PALLD: variants seen among roughly 807,000 people sequenced by gnomAD.
PALLD encodes the protein palladin, cytoskeletal associated protein.
PALLD carries 61 observed loss-of-function variants against 123.5 expected under a neutral mutation model. The ratio of observed to expected loss-of-function variants is 0.49; its 90% CI spans 0.40 to 0.61. The LOEUF (loss-of-function observed/expected upper bound fraction) is 0.61. Ranked by LOEUF, PALLD falls within the 20% of genes least tolerant of loss-of-function variation. The probability of loss-of-function intolerance (pLI) is 0.00; values close to 1 mark genes in which losing one functional copy is unlikely to be tolerated. For missense variants in PALLD, 1,273 were observed against 1,377.0 expected, an observed-to-expected ratio of 0.92 and a Z score of 1.20; for synonymous variants, 465 against 496.4, an observed-to-expected ratio of 0.94 and a Z score of 0.84.
At chr4:168,559,851 C>A (rs1273408598) in intron 2 of PALLD, among the ~76,000 whole-genome samples, 1 of 151,684 alleles carries the variant, frequency 6.6e-6, no homozygotes, top group South Asian at 2.1e-4. Context: ...CACCACTGCA[C>A]TCTAGCCTGG....
At chr4:168,881,002 G>A (rs1289863851) in intron 10 of PALLD, among the ~76,000 whole-genome samples, 1 of 152,102 alleles carries the variant, frequency 6.6e-6, no homozygotes, top group Non-Finnish European at 1.5e-5. Context: ...CCGCCTCTGG[G>A]TTCCAACAAT....
intron 3 of PALLD, among the ~76,000 whole-genome samples, chr4:168,669,742 A>C (rs762969517): frequency 6.6e-6 from 1 of 152,166 alleles, no homozygotes; most frequent in Non-Finnish European, 1.5e-5. Context: ...TGTCCTATTA[A>C]TAAAAACAAA....
chr4:168,554,468 G>T (rs1767068200), intron 2 of PALLD, among the ~76,000 whole-genome samples: 1 of 152,106 alleles, frequency 6.6e-6, no homozygotes, highest in Non-Finnish European at 1.5e-5. Flanking sequence ...CAAAAGTGTT[G>T]AACACCTCTA....
At chr4:168,852,984 C>G (rs573619625) in intron 10 of PALLD, among the ~76,000 whole-genome samples, 1 of 152,086 alleles carries the variant, frequency 6.6e-6, no homozygotes, top group Non-Finnish European at 1.5e-5. Flanking sequence ...TTAAACTTTA[C>G]AAAAAATGTC....
intron 2 of PALLD, chr4:168,632,027 A>G (rs1308874578): frequency 2.0e-6 from 1 of 488,642 alleles, no homozygotes; most frequent in Non-Finnish European, 2.7e-6. Context: ...TGGACTCAGA[A>G]TACCGTGTTC....
chr4:168,849,754 C>CA (rs36098159), intron 10 of PALLD, among the ~76,000 whole-genome samples: 26 of 145,802 alleles, frequency 1.8e-4, no homozygotes, highest in Non-Finnish European at 3.0e-4. Flanking sequence ...ATTTTTAAAG[C>CA]AAAAAAAAAA....
chr4:168,796,224 T>C lies in PALLD; in HGVS notation c.1964+84301T>C, dbSNP rs151260322. 3.2e-3 allele frequency among the ~76,000 whole-genome samples: 486 copies of C among 152,256 alleles called. 1 individual carries two copies. Among genetic ancestry groups the C allele is most frequent in the Non-Finnish European group, 4.5e-3 (305 of 68,004 alleles). ...CACTGTCCTTCCCAGCTCTAACTAA[T>C]TTTTTTAGTATTTATGGAGACAGGG... On this transcript the variant is annotated intron_variant, in intron 10 of 21. Coordinates refer to ENST00000505667, the MANE Select transcript of PALLD (RefSeq NM_001166108.2).
chr4:168,709,566 GGAA>G (rs1784570622), intron 9 of PALLD, among the ~76,000 whole-genome samples: 3 of 686 alleles, frequency 4.4e-3, no homozygotes, highest in African/African-American at 0.013. Flanking sequence ...AAGGAAGGAA[GGAA>G]GGAAGGAAGG....
intron 10 of PALLD, among the ~76,000 whole-genome samples, chr4:168,753,979 C>T (rs969137737): frequency 3.3e-5 from 5 of 152,108 alleles, no homozygotes; most frequent in Non-Finnish European, 7.4e-5. Flanking sequence ...GCAACAAGTA[C>T]ATACTATGTA....
chr4:168,759,941 C>G lies in PALLD; in HGVS notation c.1964+48018C>G, dbSNP rs139589568. On this transcript the variant is annotated intron_variant, in intron 10 of 21. Transcript: ENST00000505667. ...TGGTGGCTCACGCCTGTAATCCCAG[C>G]TGCTGGGGAGGCTGAAGCATGAGAA... Among the ~76,000 whole-genome samples the G allele has an allele frequency of 7.4e-3, 1,122 of 152,050 alleles. 4 individuals are homozygous for G. Among genetic ancestry groups the G allele is most frequent in the Middle Eastern group, 0.017 (5 of 294 alleles).
intron 10 of PALLD, among the ~76,000 whole-genome samples, chr4:168,765,451 G>A (rs756078952): frequency 1.3e-5 from 2 of 152,186 alleles, no homozygotes; most frequent in Non-Finnish European, 2.9e-5. Flanking sequence ...TCAAGGTAAT[G>A]CAAGTCAGAA....
At chr4:168,693,927 A>G (rs934669640) in intron 8 of PALLD, among the ~76,000 whole-genome samples, 1 of 152,354 alleles carries the variant, frequency 6.6e-6, no homozygotes, top group East Asian at 1.9e-4. Flanking sequence ...GTGACTAATT[A>G]TATGAGTTGT....
intron 2 of PALLD, among the ~76,000 whole-genome samples, chr4:168,628,907 T>C (rs533683536): frequency 6.6e-6 from 1 of 152,316 alleles, no homozygotes; most frequent in African/African-American, 2.4e-5. Flanking sequence ...AACAGGTGTT[T>C]GTTTCCAAAC....
intron 8 of PALLD, among the ~76,000 whole-genome samples, chr4:168,702,044 T>A (rs1166473711): frequency 6.6e-6 from 1 of 152,182 alleles, no homozygotes; most frequent in Non-Finnish European, 1.5e-5. Context: ...GATGAATAAT[T>A]CTCATGAATC....
Position 168,925,250 on chromosome 4 carries a change from TGAACCACACCA to T in PALLD, c.*6_*16del. The stretch of plus-strand genomic sequence containing the variant: ...ATTTGTAGTTTCTCGACATTAATAG[TGAACCACACCA>T]GGAGAACAAATACCCAAGTATCATT... On this transcript the variant is annotated 3_prime_UTR_variant, in exon 21 of 22. Coordinates refer to ENST00000505667, the MANE Select transcript of PALLD (RefSeq NM_001166108.2). 6.2e-7 allele frequency: 1 copy of T among 1,609,038 alleles called. No homozygotes were observed. Among genetic ancestry groups the T allele is most frequent in the Non-Finnish European group, 8.5e-7 (1 of 1,175,342 alleles).
rs568490721 is a variant in PALLD at position 168,878,353 on chromosome 4, G to A, written c.1965-12569G>A. 1.7e-4 allele frequency: 260 copies of A among 1,518,730 alleles called. 2 individuals carry two copies. In the East Asian group the frequency reaches 3.7e-3, roughly 22 times the overall value. 94.1% of individuals were successfully genotyped at this position (1,518,730 alleles called of 1,614,324 possible). On this transcript the variant is annotated intron_variant, in intron 10 of 21. Coordinates refer to ENST00000505667, the MANE Select transcript of PALLD (RefSeq NM_001166108.2). ...TGCTGCCCTCGCAGCCGCCGCCGGC[G>A]GCCGTCAACGCCCTGGGGCTGCCCA... is the stretch of plus-strand genomic sequence containing the variant.
chr4:168,896,069 G>A (rs1402177987), intron 12 of PALLD, among the ~76,000 whole-genome samples: 1 of 152,144 alleles, frequency 6.6e-6, no homozygotes, highest in African/African-American at 2.4e-5. Context: ...AATTAGCCGG[G>A]TGTGGTGGCG....
At chr4:168,861,703 C>G (rs1749498117) in intron 10 of PALLD, among the ~76,000 whole-genome samples, 1 of 151,944 alleles carries the variant, frequency 6.6e-6, no homozygotes, top group African/African-American at 2.4e-5. Flanking sequence ...GGGTCTCGCT[C>G]TGTCCCCCAG....
intron 8 of PALLD, among the ~76,000 whole-genome samples, chr4:168,707,523 A>G (rs1784343097): frequency 6.6e-6 from 1 of 152,168 alleles, no homozygotes; most frequent in Non-Finnish European, 1.5e-5. Context: ...AGGGTTCATC[A>G]GGGTTCCAAG....
Sources: gnomAD v4.1 joint callset for allele counts (sites outside exome capture counted in the v4.1 genomes callset) on GRCh38, gnomAD v4.1.1 for gene constraint, MANE v1.5 for transcripts, NCBI Gene and HGNC (gene_info 2026-07-23, HGNC 2026-07-21) for gene names.